The following PAN2 variants were observed in gnomAD, a reference collection of about 807,000 sequenced individuals.
The protein encoded by PAN2 is poly(A) specific ribonuclease subunit PAN2, also known as PAN2-PAN3 deadenylation complex catalytic subunit PAN2.
In PAN2, 68 loss-of-function variants were observed where a neutral mutation model predicts 133.3. That is an observed-to-expected ratio of 0.51 (90% CI 0.42 to 0.62). The LOEUF is 0.62. Ranked by LOEUF, PAN2 falls within the 20% of genes least tolerant of loss-of-function variation. PAN2 has a pLI of 0.00. For missense variants in PAN2, 1,042 were observed against 1,500.5 expected (o/e 0.69, Z 5.05); for synonymous variants, 462 against 544.6 (o/e 0.85, Z 2.11).
In PAN2 at chr12:56,332,836, TCTC is replaced by T. The variant is rs1268628060; in HGVS notation, c.256_258del (p.Glu86del). ...ACCCCGTGGCTCCCCACCCACAGCATCTCCTCGTGCAAGTCAAAGTGGGAGACG... is the reference window on the plus strand; with the variant it reads ...ACCCCGTGGCTCCCCACCCACAGCATCTCGTGCAAGTCAAAGTGGGAGACG... On this transcript the variant is annotated inframe_deletion, in exon 2 of 26. Transcript: ENST00000440411. The T allele has an allele frequency of 6.2e-7, 1 of 1,614,000 alleles. No individual in the cohort carries two copies. Among genetic ancestry groups the T allele is most frequent in the Non-Finnish European group, 8.5e-7 (1 of 1,179,968 alleles).
chr12:56,319,654 G>A lies in PAN2; in HGVS notation c.3057C>T (p.Pro1019=). 1 of 1,612,850 alleles carries A rather than the reference G, an allele frequency of 6.2e-7. No individual in the cohort carries two copies. Among genetic ancestry groups the A allele is most frequent in the Non-Finnish European group, 8.5e-7 (1 of 1,179,432 alleles). ...VRGQGPNEGI[P]FIDDYISTQE... ...GGGTAGAGATGTAGTCATCAATGAA[G>A]GGGATACCCTCATTGGGTCCCTGGC... Residue 1019 remains proline (P), a synonymous_variant, in exon 22 of 26, where the codon CCC becomes CCT. Transcript: ENST00000440411. The surrounding 1 kb of genome is among the most constrained non-coding windows in gnomAD (Gnocchi z 5.4).
At position 56,332,940 on chromosome 12, in the gene PAN2, T is replaced by C. The variant is rs1483585818; in HGVS notation, c.155A>G (p.Gln52Arg). The change falls in exon 2 of 26, where the codon CAG (glutamine) becomes CGG (arginine). Residue 52 changes from glutamine to arginine, a missense_variant. Physicochemically the swap from Gln to Arg is conservative, Grantham distance 43 (BLOSUM62 1). Around this residue, in one of 3 missense-constraint regions of PAN2, gnomAD observed 908 missense variants for 1,223.5 expected, o/e 0.74. Coordinates refer to ENST00000440411, the MANE Select transcript of PAN2 (RefSeq NM_014871.6). Reference sequence around the variant, plus strand: ...ACCTTCCATTATGTGCACTGATTCCTGGACGGGAAGAGCCTCCAAGGCCAC... The same window carrying C: ...ACCTTCCATTATGTGCACTGATTCCCGGACGGGAAGAGCCTCCAAGGCCAC... ...EGVALEALPVQESVHIMEGVY... is the reference protein window; with the variant it reads ...EGVALEALPVRESVHIMEGVY... The C allele has an allele frequency of 6.2e-7, 1 of 1,614,196 alleles. No individual in the cohort carries two copies. The highest frequency in any genetic ancestry group is 8.5e-7 in the Non-Finnish European group (1 of 1,180,028).
In PAN2 at chr12:56,317,557, T is replaced by TG. The variant is rs1332285605; in HGVS notation, c.*51dup. 6.5e-7 allele frequency: 1 copy of TG among 1,548,520 alleles called. No homozygotes were observed. The highest frequency in any genetic ancestry group is 8.9e-7 in the Non-Finnish European group (1 of 1,121,474). On this transcript the variant is annotated 3_prime_UTR_variant, in exon 26 of 26. Transcript: ENST00000440411. The stretch of plus-strand genomic sequence containing the variant: ...AACTTAGGAAGCCATCTCCCAGTTC[T>TG]GGGGCTATAGAACAGTAAAGGGAGA...
chr12:56,327,606 A>G lies in PAN2; in HGVS notation c.677T>C (p.Phe226Ser). The G allele has an allele frequency of 6.2e-7, 1 of 1,614,092 alleles. No homozygotes were observed. Among genetic ancestry groups the G allele is most frequent in the East Asian group, 2.2e-5 (1 of 44,886 alleles). Residue 226 changes from phenylalanine (F) to serine (S), a missense_variant, in exon 6 of 26, where the codon TTT becomes TCT. Physicochemically the swap from Phe to Ser is radical, Grantham distance 155. Transcript: ENST00000440411. The part of the protein sequence containing the change: ...GKVSLRDLRT[F>S]KVEHEFDAFS... ...GGCATCAAACTCATGTTCCACCTTA[A>G]AAGTACGGAGGTCTCTCAGGGAAAC...
At chr12:56,326,205 G>T (rs1442996800) in intron 8 of PAN2, 108 bp downstream of exon 8, 1 of 963,166 alleles carries the variant, frequency 1.0e-6, no homozygotes, top group Non-Finnish European at 1.5e-6. Context: ...CCATCAATTT[G>T]GTTGGTTACC....
At chr12:56,327,693 C>T in intron 5 of PAN2, 62 bp from the exon 6 acceptor site, 1 of 1,570,168 alleles carries the variant, frequency 6.4e-7, no homozygotes, top group Non-Finnish European at 8.7e-7. Flanking sequence ...CTGCCACCTA[C>T]CTAACCCAGT....
chr12:56,326,706 G>T lies in PAN2; in HGVS notation c.1173C>A (p.Asp391Glu), dbSNP rs771275737. The change falls in exon 7 of 26, where the codon GAC becomes GAA. Residue 391 changes from aspartate to glutamate, a missense_variant. Physicochemically the swap from Asp to Glu is conservative, Grantham distance 45. Around this residue, in one of 3 missense-constraint regions of PAN2, gnomAD observed 908 missense variants for 1,223.5 expected, o/e 0.74. Transcript: ENST00000440411. ...DSLPPLDWSQ[D>E]LLPLSLIPVP... ...CAGGGATGAGGGAAAGAGGCAGCAGGTCCTGGCTCCAGTCCAGAGGAGGCA... is the reference window on the plus strand; with the variant it reads ...CAGGGATGAGGGAAAGAGGCAGCAGTTCCTGGCTCCAGTCCAGAGGAGGCA... 1 of 1,614,074 alleles carries T rather than the reference G, an allele frequency of 6.2e-7. No homozygotes were observed. Among genetic ancestry groups the T allele is most frequent in the South Asian group, 1.1e-5 (1 of 91,070 alleles).
chr12:56,327,704 G>A, intron 5 of PAN2, 73 bp from the exon 6 acceptor site: 2 of 1,526,364 alleles, frequency 1.3e-6, no homozygotes, highest in Non-Finnish European at 1.8e-6. Context: ...CTAACCCAGT[G>A]GGGTCCCTAC....
intron 6 of PAN2, 30 bp from the exon 7 acceptor site, chr12:56,326,989 C>G (rs1372621871): frequency 1.3e-6 from 2 of 1,574,292 alleles, no homozygotes; most frequent in South Asian, 2.2e-5. Flanking sequence ...CCACTGAGCC[C>G]TAGAAAGTGA....
In PAN2 at chr12:56,328,492, G is replaced by GC. The variant is rs1484206104; in HGVS notation, c.431dup (p.Leu145ProfsTer5). 2 of 1,614,106 alleles carry GC rather than the reference G, an allele frequency of 1.2e-6. No homozygotes were observed. ...CTTACAGGTAATCAAATATAATGAGGCCCCCACGGGCCATATACTTGAGGT... is the reference window on the plus strand; with the variant it reads ...CTTACAGGTAATCAAATATAATGAGGCCCCCCACGGGCCATATACTTGAGGT... On this transcript the variant is annotated frameshift_variant, in exon 3 of 26. Coordinates refer to ENST00000440411, the MANE Select transcript of PAN2 (RefSeq NM_014871.6). LOFTEE classifies it high-confidence loss of function.
In PAN2 at chr12:56,319,079, G is replaced by A; in HGVS notation, c.3364+9C>T. ...ATGTAGCAGGGGCCTACAAGGCAGAGCAACTCACCCAGAAAGTACCAAGCA... is the reference window on the plus strand; with the variant it reads ...ATGTAGCAGGGGCCTACAAGGCAGAACAACTCACCCAGAAAGTACCAAGCA... On this transcript the variant is annotated intron_variant, in intron 24 of 25. Coordinates refer to ENST00000440411, the MANE Select transcript of PAN2 (RefSeq NM_014871.6). The surrounding 1 kb of genome is among the most constrained non-coding windows in gnomAD (Gnocchi z 5.4). 6.2e-7 allele frequency: 1 copy of A among 1,613,704 alleles called. No individual in the cohort carries two copies. Among genetic ancestry groups the A allele is most frequent in the African/African-American group, 1.3e-5 (1 of 75,022 alleles).
Position 56,322,123 on chromosome 12 carries a change from G to T in PAN2, c.2743C>A (p.Leu915Ile). 1.2e-6 allele frequency: 2 copies of T among 1,611,080 alleles called. No homozygotes were observed. Among genetic ancestry groups the T allele is most frequent in the Non-Finnish European group, 1.7e-6 (2 of 1,177,306 alleles). Residue 915 changes from leucine (L) to isoleucine (I), a missense_variant, in exon 20 of 26, where the codon CTT becomes ATT. Physicochemically the swap from Leu to Ile is conservative, Grantham distance 5. Transcript: ENST00000440411. ...TTGAGATTCCGTTTGACATAATAAA[G>T]GATTGCAGGTACTTTCCAATTCATG... is the stretch of plus-strand genomic sequence containing the variant. ...FDMNWKVPAI[L>I]YYVKRNLNSR...
At chr12:56,326,544 G>T in intron 7 of PAN2, 73 bp downstream of exon 7, 1 of 1,521,026 alleles carries the variant, frequency 6.6e-7, no homozygotes, top group Non-Finnish European at 8.9e-7. Context: ...TAACAACAGG[G>T]CTAGCAGAGA....
At chr12:56,320,413 G>A (rs1453090538) in intron 20 of PAN2, among the ~76,000 whole-genome samples, 6 of 152,116 alleles carry the variant, frequency 3.9e-5, no homozygotes, top group Non-Finnish European at 7.4e-5. Context: ...CGAGGCGGGC[G>A]GATCACCTGA....
Position 56,318,267 on chromosome 12 carries a change from G to A in PAN2, c.3532C>T (p.Pro1178Ser), listed in dbSNP as rs1244098364. The change falls in exon 25 of 26, where the codon CCT becomes TCT. Residue 1178 changes from proline (P) to serine (S), a missense_variant. Pro to Ser is a moderately conservative substitution (Grantham distance 74). Around this residue, in one of 3 missense-constraint regions of PAN2, gnomAD observed 85 missense variants for 116.5 expected, o/e 0.73. Transcript: ENST00000440411. Reference protein sequence around the residue: ...EKGRKMDWKVPEPEGQTSPKN... With the variant: ...EKGRKMDWKVSEPEGQTSPKN... ...GGACTTGTTTGGCCCTCAGGCTCAG[G>A]CACCTTCCAGTCCATCTTTCTGCCC... The A allele has an allele frequency of 6.2e-7, 1 of 1,614,016 alleles. No individual in the cohort carries two copies.
chr12:56,322,386 G>C (rs1874657021), intron 19 of PAN2, 37 bp downstream of exon 19: 5 of 1,533,726 alleles, frequency 3.3e-6, no homozygotes, highest in Non-Finnish European at 3.6e-6. Context: ...TAGGAAAAGG[G>C]GAAATGAAAG....
intron 2 of PAN2, among the ~76,000 whole-genome samples, chr12:56,328,929 G>A (rs1453185440): frequency 2.0e-5 from 3 of 152,216 alleles, no homozygotes; most frequent in Admixed American, 6.5e-5. Flanking sequence ...GGTTAGAACA[G>A]TATATAGAAG....
At position 56,319,896 on chromosome 12, in the gene PAN2, C is replaced by T; in HGVS notation, c.2914G>A (p.Gly972Ser). Reference protein sequence around the residue: ...NEMPQIGDLVGLDAEFVTLNE... With the variant: ...NEMPQIGDLVSLDAEFVTLNE... ...AGGGTGACAAACTCAGCATCCAGAC[C>T]CACCAGGTCCCCAATCTGTGGCATC... Residue 972 changes from glycine (G) to serine (S), a missense_variant, in exon 21 of 26, where the codon GGT becomes AGT. Physicochemically the swap from Gly to Ser is moderately conservative, Grantham distance 56. Around this residue, in one of 3 missense-constraint regions of PAN2, gnomAD observed 908 missense variants for 1,223.5 expected, o/e 0.74. Coordinates refer to ENST00000440411, the MANE Select transcript of PAN2 (RefSeq NM_014871.6). This position sits in a 1 kb window ranked among gnomAD's most constrained non-coding sequence, Gnocchi z 5.4. 1 of 1,614,188 alleles carries T rather than the reference C, an allele frequency of 6.2e-7. No individual in the cohort carries two copies. The highest frequency in any genetic ancestry group is 8.5e-7 in the Non-Finnish European group (1 of 1,180,022).
intron 2 of PAN2, among the ~76,000 whole-genome samples, chr12:56,330,821 C>T (rs867921659): frequency 9.9e-5 from 15 of 151,894 alleles, no homozygotes; most frequent in African/African-American, 3.4e-4. Context: ...TTTTTTGAGA[C>T]GGAGTCTTGC....
Sources: gnomAD v4.1 joint callset for allele counts (sites outside exome capture counted in the v4.1 genomes callset) on GRCh38, gnomAD v4.1.1 for gene constraint, gnomAD v4.1.1 regional missense constraint, Gnocchi (gnomAD v3.1) non-coding constraint, MANE v1.5 for transcripts, NCBI Gene and HGNC (gene_info 2026-07-23, HGNC 2026-07-21) for gene names.